The following MCPH1 variants were observed in gnomAD, a reference collection of about 807,000 sequenced individuals.
MCPH1 encodes microcephalin 1, also known as microcephalin.
Under a neutral mutation model 84.5 loss-of-function variants are expected in MCPH1, and 104 were observed. The observed-to-expected ratio is 1.23, with a 90% CI of 1.05 to 1.45. The LOEUF (loss-of-function observed/expected upper bound fraction) is 1.45. Among genes scored for constraint, MCPH1 ranks in the 40% most tolerant of loss-of-function variants. The pLI is 0.00. For missense variants in MCPH1, 1,498 were observed against 1,005.7 expected (o/e 1.49, Z -6.62); for synonymous variants, 514 against 366.8 (o/e 1.40, Z -4.58).
At chr8:6,532,574 TA>T (rs10662997) in intron 12 of MCPH1, 89,635 of 581,014 alleles carry the variant, frequency 0.15, 3 homozygotes, top group East Asian at 0.27. Context: ...TCCCTATCTT[TA>T]AAAAAAAAAA....
chr8:6,640,938 G>C (rs1183192311), intron 13 of MCPH1, among the ~76,000 whole-genome samples: 4 of 152,074 alleles, frequency 2.6e-5, no homozygotes, highest in Non-Finnish European at 5.9e-5. Context: ...ATTCCCACAT[G>C]GTATGGGTGT....
chr8:6,631,127 G>T (rs192117748), intron 13 of MCPH1, among the ~76,000 whole-genome samples: 2 of 152,290 alleles, frequency 1.3e-5, no homozygotes, highest in Admixed American at 1.3e-4. Flanking sequence ...GCACATGGTG[G>T]CAACCCAGTT....
At chr8:6,490,376 A>G (rs1421195832) in intron 11 of MCPH1, among the ~76,000 whole-genome samples, 2 of 152,180 alleles carry the variant, frequency 1.3e-5, no homozygotes, top group East Asian at 1.9e-4. Context: ...TGTCATTTAG[A>G]TGTTCCTCAG....
At chr8:6,526,389 G>C (rs1403277885) in intron 12 of MCPH1, among the ~76,000 whole-genome samples, 1 of 151,376 alleles carries the variant, frequency 6.6e-6, no homozygotes, top group East Asian at 1.9e-4. Flanking sequence ...AGCTGAGATG[G>C]CACCACTGCA....
chr8:6,500,178 A>T (rs963350034), intron 12 of MCPH1: 1 of 486,500 alleles, frequency 2.1e-6, no homozygotes, highest in East Asian at 3.8e-5. Flanking sequence ...CATCCTCAGA[A>T]CTGAGAAAAA....
intron 11 of MCPH1, 120 bp downstream of exon 11, chr8:6,480,996 C>G: frequency 8.3e-7 from 1 of 1,205,106 alleles, no homozygotes; most frequent in East Asian, 2.4e-5. Context: ...GCACACTTTC[C>G]TGTGAGCTGG....
Position 6,532,476 on chromosome 8 carries a change from A to G in MCPH1, c.2214+32547A>G, listed in dbSNP as rs766306564. On this transcript the variant is annotated intron_variant, in intron 12 of 13. Coordinates refer to ENST00000344683, the MANE Select transcript of MCPH1 (RefSeq NM_024596.5). ...TTTCTTTCTTCATGTTGTCCTGGAT[A>G]TAATTCTCAAGCTAGAAAAGAACAG... The G allele has an allele frequency of 8.1e-6, 13 of 1,611,846 alleles. No homozygotes were observed. Among genetic ancestry groups the G allele is most frequent in the Non-Finnish European group, 1.1e-5 (13 of 1,179,184 alleles).
chr8:6,543,596 T>G (rs1394692242), intron 12 of MCPH1, among the ~76,000 whole-genome samples: 1 of 152,170 alleles, frequency 6.6e-6, no homozygotes, highest in Admixed American at 6.5e-5. Flanking sequence ...AAAAGAAATG[T>G]GTTCTTTCCT....
intron 9 of MCPH1, among the ~76,000 whole-genome samples, chr8:6,462,362 CAAAAT>C (rs1370642971): frequency 6.6e-6 from 1 of 152,174 alleles, no homozygotes; most frequent in Admixed American, 6.5e-5. Context: ...GCATCACAAA[CAAAAT>C]AAGTGCTCAG....
At chr8:6,589,723 T>G (rs958477250) in intron 12 of MCPH1, among the ~76,000 whole-genome samples, 3 of 152,208 alleles carry the variant, frequency 2.0e-5, no homozygotes, top group Non-Finnish European at 4.4e-5. Flanking sequence ...ATCTCAAGTG[T>G]TTCCATGACA....
chr8:6,498,227 A>C (rs960915125), intron 11 of MCPH1, among the ~76,000 whole-genome samples: 1 of 152,350 alleles, frequency 6.6e-6, no homozygotes, highest in Non-Finnish European at 1.5e-5. Flanking sequence ...TGCCCTTCTT[A>C]TAAGAAATAT....
At chr8:6,416,431 A>C (rs1799313843) in intron 3 of MCPH1, among the ~76,000 whole-genome samples, 1 of 152,152 alleles carries the variant, frequency 6.6e-6, no homozygotes, top group Non-Finnish European at 1.5e-5. Context: ...ATTTCGTATG[A>C]TGGTAACTGT....
At chr8:6,628,469 C>CTA (rs1796916740) in intron 13 of MCPH1, among the ~76,000 whole-genome samples, 1 of 41,582 alleles carries the variant, frequency 2.4e-5, no homozygotes, top group Non-Finnish European at 4.8e-5. Flanking sequence ...GACTCTGTCT[C>CTA]AAAAAAAAAA....
intron 12 of MCPH1, among the ~76,000 whole-genome samples, chr8:6,558,004 G>A (rs1294233567): frequency 6.6e-6 from 1 of 152,072 alleles, no homozygotes; most frequent in African/African-American, 2.4e-5. Flanking sequence ...CCTCACAGGT[G>A]GTGTCTCTGT....
chr8:6,621,502 C>T lies in MCPH1; in HGVS notation c.2263C>T (p.Leu755Phe). The change falls in exon 13 of 14, where the codon CTC (leucine) becomes TTC (phenylalanine). Residue 755 changes from leucine (L) to phenylalanine (F), a missense_variant. Physicochemically the swap from Leu to Phe is conservative, Grantham distance 22. Coordinates refer to ENST00000344683, the MANE Select transcript of MCPH1 (RefSeq NM_024596.5). ...GTCTGCAGGGCCGTACCGCGGAACC[C>T]TCTTTGCCGACCAGCCAGCGATGTT... is the stretch of plus-strand genomic sequence containing the variant. ...HLSAGPYRGT[L>F]FADQPAMFVS... The T allele has an allele frequency of 4.3e-6, 7 of 1,614,186 alleles. No individual in the cohort carries two copies. Among genetic ancestry groups the T allele is most frequent in the Non-Finnish European group, 5.1e-6 (6 of 1,180,038 alleles).
intron 9 of MCPH1, 157 bp from the exon 10 acceptor site, chr8:6,477,437 T>G (rs1488398622): frequency 1.6e-6 from 1 of 639,962 alleles, no homozygotes; most frequent in African/African-American, 1.8e-5. Flanking sequence ...GCCTGTTTTT[T>G]CCAGGAATAT....
intron 10 of MCPH1, among the ~76,000 whole-genome samples, chr8:6,479,815 T>A (rs2979665): frequency 1.3e-5 from 2 of 152,194 alleles, no homozygotes; most frequent in African/African-American, 4.8e-5. Context: ...TATATTTTTT[T>A]AAAGGATATT....
chr8:6,458,588 A>C (rs1472436804), intron 9 of MCPH1, among the ~76,000 whole-genome samples: 1 of 152,140 alleles, frequency 6.6e-6, no homozygotes, highest in African/African-American at 2.4e-5. Context: ...TTATTATTTT[A>C]CAGGTTAGAA....
At chr8:6,504,240 C>T (rs1354289554) in intron 12 of MCPH1, among the ~76,000 whole-genome samples, 1 of 149,312 alleles carries the variant, frequency 6.7e-6, no homozygotes, top group African/African-American at 2.5e-5. Context: ...ATGGCGTGAA[C>T]CCGGGAGGCG....
Sources: allele counts gnomAD v4.1 joint callset (sites outside exome capture counted in the v4.1 genomes callset), GRCh38; gene constraint gnomAD v4.1.1; transcripts MANE v1.5; gene names NCBI Gene and HGNC (gene_info 2026-07-23, HGNC 2026-07-21).